HIPK1: variants seen among roughly 807,000 people sequenced by gnomAD.
HIPK1 encodes the protein homeodomain-interacting protein kinase 1.
In HIPK1, 28 loss-of-function variants were observed where a neutral mutation model predicts 117.1. The ratio of observed to expected loss-of-function variants is 0.24; its 90% CI spans 0.18 to 0.33. HIPK1 has a LOEUF of 0.33. Among genes scored for constraint, HIPK1 ranks in the 10% least tolerant of loss-of-function variants. HIPK1 has a pLI of 1.00. For synonymous variants in HIPK1, 605 were observed against 562.5 expected, an observed-to-expected ratio of 1.08 and a Z score of -1.07; for missense variants, 1,122 against 1,475.1, an observed-to-expected ratio of 0.76 and a Z score of 3.92.
chr1:113,962,205 A>T, intron 8 of HIPK1, 112 bp from the exon 9 acceptor site: 2 of 1,106,850 alleles, frequency 1.8e-6, no homozygotes, highest in Non-Finnish European at 2.5e-6. Flanking sequence ...AGTGTCTAGG[A>T]TTAAAACCTG....
intron 5 of HIPK1, 63 bp downstream of exon 5, chr1:113,955,712 T>C: frequency 2.4e-6 from 2 of 832,540 alleles, no homozygotes; most frequent in Admixed American, 4.7e-5. Context: ...TTCTGTTGAT[T>C]ATACTAAAGA....
In HIPK1 at chr1:113,973,015, T is replaced by G; in HGVS notation, c.3145-9T>G. The G allele has an allele frequency of 1.3e-6, 2 of 1,512,706 alleles. No homozygotes were observed. Among genetic ancestry groups the G allele is most frequent in the Non-Finnish European group, 1.8e-6 (2 of 1,130,600 alleles). 93.7% of individuals were successfully genotyped at this position (1,512,706 alleles called of 1,614,324 possible). Reference sequence around the variant, plus strand: ...TCAGGATTCCTCACTTCTTCCTTCTTTCTTCCAGAACCAGCAGTCATCGGC... The same window carrying G: ...TCAGGATTCCTCACTTCTTCCTTCTGTCTTCCAGAACCAGCAGTCATCGGC... On this transcript the variant is annotated splice_polypyrimidine_tract_variant and intron_variant, in intron 15 of 15. Coordinates refer to ENST00000426820, the MANE Select transcript of HIPK1 (RefSeq NM_198268.3).
intron 10 of HIPK1, among the ~76,000 whole-genome samples, chr1:113,965,481 G>A (rs1672384302): frequency 6.6e-6 from 1 of 152,158 alleles, no homozygotes; most frequent in African/African-American, 2.4e-5. Context: ...TAGAAACAAA[G>A]TATGATGCTT....
chr1:113,973,281 C>T lies in HIPK1; in HGVS notation c.3402C>T (p.Ser1134=), dbSNP rs147414526. Residue 1134 remains serine (S), a synonymous_variant, in exon 16 of 16, where the codon TCC becomes TCT. Coordinates refer to ENST00000426820, the MANE Select transcript of HIPK1 (RefSeq NM_198268.3). ...CCAGCTCCATTGCTCATCTTTTCTC[C>T]CCACAGGGTTCCTCAAGGCATGCTG... ...GSTSSIAHLF[S]PQGSSRHAAA... The T allele has an allele frequency of 9.1e-4, 1,474 of 1,614,170 alleles. No homozygotes were observed. Among genetic ancestry groups the T allele is most frequent in the Non-Finnish European group, 1.2e-3 (1,409 of 1,180,028 alleles).
intron 1 of HIPK1, among the ~76,000 whole-genome samples, chr1:113,937,579 A>G (rs767213683): frequency 6.6e-6 from 1 of 152,180 alleles, no homozygotes; most frequent in Non-Finnish European, 1.5e-5. Context: ...AATTCATCCA[A>G]CAGATAATTG....
At chr1:113,950,648 G>C (rs1175893940) in intron 2 of HIPK1, among the ~76,000 whole-genome samples, 1 of 152,108 alleles carries the variant, frequency 6.6e-6, no homozygotes, top group Non-Finnish European at 1.5e-5. Context: ...GATTACAGCT[G>C]CCCGCCACCA....
rs1422048594 is a variant in HIPK1, at chr1:113,970,081, G to C, written c.2897G>C (p.Gly966Ala). The change falls in exon 14 of 16, where the codon GGA becomes GCA. Residue 966 changes from glycine (G) to alanine (A), a missense_variant. This residue lies in a region of HIPK1 where 731 missense variants were observed against 860.4 expected (regional missense o/e 0.85). Coordinates refer to ENST00000426820, the MANE Select transcript of HIPK1 (RefSeq NM_198268.3). ...CTGAGTGCTCTCCGAGGCAATAGTG[G>C]ATCCGTTTTGGAGGGGCCTGGCAGA... ...DTLSALRGNS[G>A]SVLEGPGRVV... is the part of the protein sequence containing the mutation. 1 of 1,614,162 alleles carries C rather than the reference G, an allele frequency of 6.2e-7. No homozygotes were observed.
chr1:113,944,840 G>A (rs889100804), intron 2 of HIPK1, among the ~76,000 whole-genome samples: 8 of 151,852 alleles, frequency 5.3e-5, no homozygotes, highest in African/African-American at 1.5e-4. Context: ...ATGATGTTGA[G>A]CATTTGTTTT....
At chr1:113,933,767 T>TGAG (rs1368407130) in intron 1 of HIPK1, among the ~76,000 whole-genome samples, 1 of 151,982 alleles carries the variant, frequency 6.6e-6, no homozygotes, top group Non-Finnish European at 1.5e-5. Context: ...CTCGGGAGGC[T>TGAG]GAGGTAGGAG....
At position 113,940,892 on chromosome 1, in the gene HIPK1, G is replaced by T; in HGVS notation, c.509G>T (p.Ser170Ile). The change falls in exon 2 of 16, where the codon AGC (serine) becomes ATC (isoleucine). Residue 170 changes from serine (S) to isoleucine (I), a missense_variant. By Grantham distance (142) the Ser-to-Ile change is moderately radical. Transcript: ENST00000426820. ...TTVTTKSSSS[S>I]GEGDYQLVQH... ...GTGACCACAAAGAGTAGCAGTTCCA[G>T]CGGAGAAGGGGATTACCAGCTGGTC... 1.9e-6 allele frequency: 3 copies of T among 1,614,158 alleles called. No homozygotes were observed. The highest frequency in any genetic ancestry group is 1.7e-6 in the Non-Finnish European group (2 of 1,180,036).
Position 113,974,466 on chromosome 1 carries a change from A to G in HIPK1, c.*954A>G, listed in dbSNP as rs1355538338. Reference sequence around the variant, plus strand: ...ATACTGGCATTGATGAGCTTTGCCTAAAGATTAGTATGAATTTTCAGTAAT... The same window carrying G: ...ATACTGGCATTGATGAGCTTTGCCTGAAGATTAGTATGAATTTTCAGTAAT... On this transcript the variant is annotated 3_prime_UTR_variant, in exon 16 of 16. Transcript: ENST00000426820. 2 of 152,732 alleles carry G rather than the reference A, an allele frequency of 1.3e-5. No homozygotes were observed. The highest frequency in any genetic ancestry group is 1.9e-4 in the East Asian group (1 of 5,312). 9.5% of individuals were successfully genotyped at this position (152,732 alleles called of 1,614,324 possible). A position where few individuals can be genotyped will look rare whatever the true frequency, so the allele number is the denominator to read the frequency against.
intron 5 of HIPK1, among the ~76,000 whole-genome samples, chr1:113,956,000 A>G (rs181097821): frequency 1.3e-5 from 2 of 150,660 alleles, no homozygotes; most frequent in African/African-American, 4.9e-5. Flanking sequence ...ATGTCATTTA[A>G]TTTTTTCAAC....
intron 1 of HIPK1, chr1:113,929,749 G>T: frequency 1.1e-6 from 1 of 875,510 alleles, no homozygotes; most frequent in Non-Finnish European, 1.4e-6. Context: ...CTGGGTGGTG[G>T]AGCGGGAGGG....
At chr1:113,968,678 T>C (rs1281203864) in intron 13 of HIPK1, 30 bp downstream of exon 13, 1 of 1,583,718 alleles carries the variant, frequency 6.3e-7, no homozygotes, top group Non-Finnish European at 8.7e-7. Flanking sequence ...CCTGGCTCTA[T>C]TGGTTTTAGA....
intron 10 of HIPK1, among the ~76,000 whole-genome samples, chr1:113,963,814 G>A (rs1279841363): frequency 6.6e-6 from 1 of 152,118 alleles, no homozygotes; most frequent in Non-Finnish European, 1.5e-5. Context: ...CCAGCCTAGT[G>A]TGATAAAAGC....
At chr1:113,929,594 G>T in intron 1 of HIPK1, 62 bp downstream of exon 1, 1 of 1,225,928 alleles carries the variant, frequency 8.2e-7, no homozygotes, top group Non-Finnish European at 1.1e-6. Flanking sequence ...CCGGGTTGAG[G>T]GACGGCCGCT....
intron 2 of HIPK1, among the ~76,000 whole-genome samples, chr1:113,950,092 C>T (rs1320068411): frequency 6.6e-6 from 1 of 152,096 alleles, no homozygotes; most frequent in Non-Finnish European, 1.5e-5. Context: ...CTAAGGGCCA[C>T]TATTTATGTA....
At position 113,929,728 on chromosome 1, in the gene HIPK1, G is replaced by A. The variant is rs921215888; in HGVS notation, c.-3+196G>A. The stretch of plus-strand genomic sequence containing the variant: ...CGGGGCTGAGGCGGCGGCGGCGGCG[G>A]CGGGAAGGGGCTGGGTGGTGGAGCG... On this transcript the variant is annotated intron_variant, in intron 1 of 15. Coordinates refer to ENST00000426820, the MANE Select transcript of HIPK1 (RefSeq NM_198268.3). The A allele has an allele frequency of 4.6e-6, 4 of 863,224 alleles. No individual in the cohort carries two copies. In the South Asian group the frequency reaches 1.1e-4, roughly 24 times the overall value. 53.5% of individuals were successfully genotyped at this position (863,224 alleles called of 1,614,324 possible). A position where few individuals can be genotyped will look rare whatever the true frequency, so the allele number is the denominator to read the frequency against.
chr1:113,948,013 G>T (rs1910485), intron 2 of HIPK1, among the ~76,000 whole-genome samples: 2 of 151,976 alleles, frequency 1.3e-5, no homozygotes, highest in African/African-American at 4.8e-5. Flanking sequence ...TTACGTGTCT[G>T]TAGAGTTTAT....
Sources: gnomAD v4.1 joint callset for allele counts (sites outside exome capture counted in the v4.1 genomes callset) on GRCh38, gnomAD v4.1.1 for gene constraint, gnomAD v4.1.1 regional missense constraint, MANE v1.5 for transcripts, NCBI Gene and HGNC (gene_info 2026-07-23, HGNC 2026-07-21) for gene names.